VAMP3: variants seen among roughly 807,000 people sequenced by gnomAD.
The protein encoded by VAMP3 is vesicle associated membrane protein 3, also known as vesicle-associated membrane protein 3.
VAMP3 carries 11 observed loss-of-function variants against 18.1 expected under a neutral mutation model. That is an observed-to-expected ratio of 0.61 (90% CI 0.38 to 1.00). The LOEUF is 1.00. Ranked by LOEUF, VAMP3 falls within the 50% of genes least tolerant of loss-of-function variation. The probability of loss-of-function intolerance (pLI) is 0.01; values close to 1 mark genes in which losing one functional copy is unlikely to be tolerated. For synonymous variants in VAMP3, 49 were observed against 43.1 expected, an observed-to-expected ratio of 1.14 and a Z score of -0.53; for missense variants, 122 against 127.3, an observed-to-expected ratio of 0.96 and a Z score of 0.20.
At chr1:7,773,787 C>T (rs1319084826) in intron 2 of VAMP3, among the ~76,000 whole-genome samples, 1 of 152,190 alleles carries the variant, frequency 6.6e-6, no homozygotes. Context: ...GAACATCACT[C>T]CCTGAGTGCA....
rs754032128 is a variant in VAMP3 at position 7,779,579 on chromosome 1, C to T, written c.284-47C>T. ...TTGGCTTGGGATTCACACTGAGAGA[C>T]TAACCTGCTGTTTCCCCTGCCTTTT... On this transcript the variant is annotated intron_variant, in intron 4 of 4. Transcript: ENST00000054666. 5 of 1,613,726 alleles carry T rather than the reference C, an allele frequency of 3.1e-6. No individual in the cohort carries two copies. In the African/African-American group the frequency reaches 5.3e-5, roughly 17 times the overall value.
At chr1:7,775,855 A>G (rs889663298) in intron 2 of VAMP3, among the ~76,000 whole-genome samples, 2 of 152,124 alleles carry the variant, frequency 1.3e-5, no homozygotes, top group African/African-American at 4.8e-5. Context: ...TACTTTTTGT[A>G]TATAGGGTGA....
intron 3 of VAMP3, among the ~76,000 whole-genome samples, chr1:7,777,849 A>G (rs2097055075): frequency 6.6e-6 from 1 of 152,238 alleles, no homozygotes; most frequent in African/African-American, 2.4e-5. Flanking sequence ...GGGCAAGCTG[A>G]GCAGCCTTTC....
chr1:7,771,340 G>C lies in VAMP3; in HGVS notation c.-44G>C. Reference sequence around the variant, plus strand: ...CCTCCGGTCCCAACTTCGCTTCTCTGCTGACCCTCTCTCGTCGCCGCTGCC... The same window carrying C: ...CCTCCGGTCCCAACTTCGCTTCTCTCCTGACCCTCTCTCGTCGCCGCTGCC... On this transcript the variant is annotated 5_prime_UTR_variant, in exon 1 of 5. Transcript: ENST00000054666. The C allele has an allele frequency of 1.9e-6, 3 of 1,593,616 alleles. No individual in the cohort carries two copies. The highest frequency in any genetic ancestry group is 2.6e-6 in the Non-Finnish European group (3 of 1,172,784).
Position 7,780,266 on chromosome 1 carries a change from T to G in VAMP3, c.*621T>G, listed in dbSNP as rs944154523. The stretch of plus-strand genomic sequence containing the variant: ...CTAAAAATATTGTTTTAATCAGAGA[T>G]AACCTCTTTAAAAAAATTTTTAAAG... On this transcript the variant is annotated 3_prime_UTR_variant, in exon 5 of 5. Coordinates refer to ENST00000054666, the MANE Select transcript of VAMP3 (RefSeq NM_004781.4). 2 of 152,836 alleles carry G rather than the reference T, an allele frequency of 1.3e-5. No homozygotes were observed. Among genetic ancestry groups the G allele is most frequent in the African/African-American group, 2.4e-5 (1 of 41,460 alleles). The allele number at this position is 152,836 out of a possible 1,614,324, so 9.5% of individuals were successfully genotyped here. A position where few individuals can be genotyped will look rare whatever the true frequency, so the allele number is the denominator to read the frequency against.
chr1:7,776,001 ACT>A (rs1341610264), intron 2 of VAMP3, among the ~76,000 whole-genome samples: 2 of 151,968 alleles, frequency 1.3e-5, no homozygotes, highest in African/African-American at 4.8e-5. Context: ...TGACTTCTAG[ACT>A]CTCAGTTCTA....
intron 1 of VAMP3, chr1:7,773,064 GAA>G (rs1299709288): frequency 1.2e-5 from 2 of 173,776 alleles, no homozygotes; most frequent in Non-Finnish European, 2.4e-5. Context: ...TTGTAACTAT[GAA>G]AACAGTTCCT....
At chr1:7,776,994 T>C (rs974386289) in intron 2 of VAMP3, 166 bp from the exon 3 acceptor site, 3 of 594,486 alleles carry the variant, frequency 5.0e-6, no homozygotes, top group African/African-American at 3.8e-5. Context: ...TTTTTAGTAC[T>C]GAGACAGGGT....
intron 2 of VAMP3, among the ~76,000 whole-genome samples, chr1:7,775,117 C>T (rs550238948): frequency 2.0e-5 from 3 of 152,254 alleles, no homozygotes; most frequent in South Asian, 2.1e-4. Context: ...TTTTCATTTG[C>T]GTTTCTCTAA....
rs770952194 is a variant in VAMP3 at position 7,777,240 on chromosome 1, C to T, written c.153C>T (p.Asp51=). The T allele has an allele frequency of 1.6e-5, 26 of 1,613,762 alleles. No individual in the cohort carries two copies. The highest frequency in any genetic ancestry group is 3.3e-4 in the Middle Eastern group (2 of 6,082). The change falls in exon 3 of 5, where the codon GAC becomes GAT. Residue 51 remains aspartate, a synonymous_variant. Coordinates refer to ENST00000054666, the MANE Select transcript of VAMP3 (RefSeq NM_004781.4). ...TCTCTGAGTTAGACGACCGTGCAGA[C>T]GCACTGCAGGCAGGCGCTTCTCAAT... The part of the protein sequence containing the change: ...QKLSELDDRA[D]ALQAGASQFE...
intron 1 of VAMP3, 51 bp from the exon 2 acceptor site, chr1:7,773,391 A>C: frequency 6.8e-7 from 1 of 1,466,894 alleles, no homozygotes; most frequent in Non-Finnish European, 9.5e-7. Flanking sequence ...TACTTAAGAA[A>C]ATGTATTTGG....
At chr1:7,778,274 T>C (rs1028338798) in intron 4 of VAMP3, 105 bp downstream of exon 4, 102 of 1,430,698 alleles carry the variant, frequency 7.1e-5, no homozygotes, top group Non-Finnish European at 9.6e-5. Flanking sequence ...TCCGAAATGT[T>C]AGTTTTGGCT....
At chr1:7,774,354 A>AT (rs33967310) in intron 2 of VAMP3, among the ~76,000 whole-genome samples, 71 of 144,306 alleles carry the variant, frequency 4.9e-4, no homozygotes, top group African/African-American at 1.6e-3. Context: ...ATCAAATTGG[A>AT]TTTTTTTTTT....
At chr1:7,772,772 C>T (rs2097051908) in intron 1 of VAMP3, 1 of 152,470 alleles carries the variant, frequency 6.6e-6, no homozygotes, top group Non-Finnish European at 1.5e-5. Context: ...GCCTGTAATC[C>T]CAGCTGCTTG....
At chr1:7,771,842 G>A (rs2097051181) in intron 1 of VAMP3, among the ~76,000 whole-genome samples, 2 of 152,264 alleles carry the variant, frequency 1.3e-5, no homozygotes, top group South Asian at 4.1e-4. Context: ...AGGGGCATCT[G>A]CACTGGAAAG....
intron 1 of VAMP3, among the ~76,000 whole-genome samples, chr1:7,771,757 G>C (rs1011573752): frequency 6.6e-6 from 1 of 152,252 alleles, no homozygotes; most frequent in Non-Finnish European, 1.5e-5. Flanking sequence ...GCTGCGCTGG[G>C]CCCCAGAAGT....
At position 7,771,321 on chromosome 1, in the gene VAMP3, G is replaced by A. The variant is rs2097050260; in HGVS notation, c.-63G>A. The A allele has an allele frequency of 1.9e-6, 3 of 1,587,924 alleles. No individual in the cohort carries two copies. Among genetic ancestry groups the A allele is most frequent in the South Asian group, 2.2e-5 (2 of 89,032 alleles). Reference sequence around the variant, plus strand: ...GTCCCACCCATCTCCCTGGCCTCCGGTCCCAACTTCGCTTCTCTGCTGACC... The same window carrying A: ...GTCCCACCCATCTCCCTGGCCTCCGATCCCAACTTCGCTTCTCTGCTGACC... On this transcript the variant is annotated 5_prime_UTR_variant, in exon 1 of 5. Coordinates refer to ENST00000054666, the MANE Select transcript of VAMP3 (RefSeq NM_004781.4).
At chr1:7,778,728 G>A (rs1251133994) in intron 4 of VAMP3, among the ~76,000 whole-genome samples, 1 of 152,024 alleles carries the variant, frequency 6.6e-6, no homozygotes, top group Non-Finnish European at 1.5e-5. Context: ...GTAATGTAGT[G>A]GTTAAAAGCA....
intron 4 of VAMP3, among the ~76,000 whole-genome samples, chr1:7,778,855 C>T (rs2097055654): frequency 6.7e-6 from 1 of 148,160 alleles, no homozygotes; most frequent in East Asian, 1.9e-4. Flanking sequence ...TAATAATAGT[C>T]CCTGTCTTGT....
Sources: gnomAD v4.1 joint callset for allele counts (sites outside exome capture counted in the v4.1 genomes callset) on GRCh38, gnomAD v4.1.1 for gene constraint, MANE v1.5 for transcripts, NCBI Gene and HGNC (gene_info 2026-07-23, HGNC 2026-07-21) for gene names.